The following USP10 variants were observed in gnomAD, a reference collection of about 807,000 sequenced individuals.
USP10 encodes ubiquitin carboxyl-terminal hydrolase 10.
A neutral mutation model predicts 84.5 loss-of-function variants in USP10; 22 were observed. The observed-to-expected ratio is 0.26, with a 90% CI of 0.19 to 0.37. The LOEUF (loss-of-function observed/expected upper bound fraction) is 0.37. USP10 is among the 10% of genes least tolerant of loss of function. USP10 has a pLI of 1.00. For missense variants in USP10, 1,019 were observed against 998.9 expected (o/e 1.02, Z -0.27); for synonymous variants, 454 against 387.6 (o/e 1.17, Z -2.01).
chr16:84,778,724 C>A (rs896718467), intron 13 of USP10, among the ~76,000 whole-genome samples, 171 bp from the exon 14 acceptor site: 1 of 152,184 alleles, frequency 6.6e-6, no homozygotes, highest in Non-Finnish European at 1.5e-5. Context: ...GGATTGCTTG[C>A]GTGTTTGAGT....
chr16:84,756,161 C>T (rs1462010432), intron 4 of USP10, among the ~76,000 whole-genome samples: 1 of 151,034 alleles, frequency 6.6e-6, no homozygotes. Flanking sequence ...AGGGACATCA[C>T]AGTTCGTCCC....
intron 1 of USP10, among the ~76,000 whole-genome samples, chr16:84,701,934 CTTCTTTTTTT>C (rs1205469822): frequency 4.3e-5 from 4 of 92,696 alleles, no homozygotes; most frequent in African/African-American, 1.3e-4. Flanking sequence ...TAATTTTCTT[CTTCTTTTTTT>C]TTTTTTTTTT....
intron 11 of USP10, among the ~76,000 whole-genome samples, chr16:84,770,443 A>G (rs1419117031): frequency 2.0e-5 from 3 of 152,164 alleles, no homozygotes; most frequent in Non-Finnish European, 1.5e-5. Flanking sequence ...TATTTGCTAT[A>G]TAGAAAATGT....
At chr16:84,736,934 G>A (rs892678474) in intron 2 of USP10, among the ~76,000 whole-genome samples, 5 of 152,140 alleles carry the variant, frequency 3.3e-5, no homozygotes, top group Admixed American at 1.3e-4. Context: ...GACTACAGGC[G>A]TCCGCCACCT....
rs1267169714 is a variant in USP10 at position 84,721,723 on chromosome 16, G to A, written c.22-11712G>A. Among the ~76,000 whole-genome samples the A allele has an allele frequency of 2.0e-5, 3 of 151,782 alleles. No homozygotes were observed. In the East Asian group the frequency reaches 5.8e-4, roughly 29 times the overall value. ...TTTGTTTTGTTTTGTTTTAGAGATT[G>A]AGTCTTGCTCTGTTGCCAGGCTGGA... is the stretch of plus-strand genomic sequence containing the variant. On this transcript the variant is annotated intron_variant, in intron 1 of 13. Coordinates refer to ENST00000219473, the MANE Select transcript of USP10 (RefSeq NM_005153.3).
At chr16:84,765,155 A>T (rs1192146745) in intron 10 of USP10, among the ~76,000 whole-genome samples, 1 of 152,008 alleles carries the variant, frequency 6.6e-6, no homozygotes, top group Non-Finnish European at 1.5e-5. Flanking sequence ...TATGTTAATA[A>T]ATTGTGTATA....
chr16:84,728,063 C>G (rs8063610), intron 1 of USP10, among the ~76,000 whole-genome samples: 39,956 of 152,086 alleles, frequency 0.26, 5,306 homozygotes, highest in African/African-American at 0.32. Context: ...ACAGCAGTTT[C>G]TCCTCCCCTC....
chr16:84,779,799 T>C lies in USP10; in HGVS notation c.*717T>C, dbSNP rs887439140. 5 of 152,666 alleles carry C rather than the reference T, an allele frequency of 3.3e-5. No individual in the cohort carries two copies. The highest frequency in any genetic ancestry group is 1.2e-4 in the African/African-American group (5 of 41,466). 9.5% of individuals were successfully genotyped at this position (152,666 alleles called of 1,614,324 possible). On this transcript the variant is annotated 3_prime_UTR_variant, in exon 14 of 14. Transcript: ENST00000219473. Reference sequence around the variant, plus strand: ...CAAATAATGAAGATCTCTCCTTCAGTCTGCTCTGTTTAATTCTGCTGTCTG... The same window carrying C: ...CAAATAATGAAGATCTCTCCTTCAGCCTGCTCTGTTTAATTCTGCTGTCTG...
intron 13 of USP10, among the ~76,000 whole-genome samples, chr16:84,775,837 C>T (rs11860875): frequency 0.03 from 4,524 of 152,264 alleles, 189 homozygotes; most frequent in African/African-American, 0.094. Flanking sequence ...ACATCATCTT[C>T]CCTTTCCTTT....
intron 1 of USP10, chr16:84,716,158 CATGAGCGTA>C (rs991836142): frequency 7.2e-5 from 11 of 152,398 alleles, no homozygotes; most frequent in African/African-American, 2.6e-4. Flanking sequence ...TACTGTCCCA[CATGAGCGTA>C]ATGTCTCTCC....
chr16:84,777,745 G>A (rs952761285), intron 13 of USP10, among the ~76,000 whole-genome samples: 2 of 152,082 alleles, frequency 1.3e-5, no homozygotes, highest in Admixed American at 1.3e-4. Flanking sequence ...GCCCCTCCAC[G>A]TGACAACTGC....
At chr16:84,772,984 G>A (rs1206045235) in intron 12 of USP10, among the ~76,000 whole-genome samples, 1 of 152,176 alleles carries the variant, frequency 6.6e-6, no homozygotes, top group East Asian at 1.9e-4. Context: ...GATGAATGGT[G>A]CAGTTTGCCT....
At chr16:84,763,927 A>G (rs1006001889) in intron 9 of USP10, among the ~76,000 whole-genome samples, 159 bp from the exon 10 acceptor site, 4 of 152,060 alleles carry the variant, frequency 2.6e-5, no homozygotes, top group Non-Finnish European at 5.9e-5. Flanking sequence ...TTGGCCGTGG[A>G]TCCAGTGACG....
At chr16:84,741,385 G>A (rs1382441197) in intron 3 of USP10, among the ~76,000 whole-genome samples, 2 of 152,248 alleles carry the variant, frequency 1.3e-5, no homozygotes, top group Non-Finnish European at 2.9e-5. Flanking sequence ...ATTGGCTGAT[G>A]TCAACCTCTC....
chr16:84,768,802 G>A (rs545929525), intron 11 of USP10, among the ~76,000 whole-genome samples: 10 of 152,238 alleles, frequency 6.6e-5, no homozygotes, highest in African/African-American at 2.4e-4. Context: ...ATATAATATA[G>A]TCATTGTAAA....
chr16:84,732,586 A>G (rs1230802704), intron 1 of USP10: 6 of 332,008 alleles, frequency 1.8e-5, no homozygotes, highest in Non-Finnish European at 2.9e-5. Flanking sequence ...AGCCGGGACT[A>G]CAGGTACACG....
rs574817757 is a variant in USP10, at chr16:84,747,418, T to A, written c.1192+1745T>A. Among the ~76,000 whole-genome samples the A allele has an allele frequency of 3.9e-5, 6 of 152,300 alleles. No individual in the cohort carries two copies. In the South Asian group the frequency reaches 8.3e-4, roughly 21 times the overall value. The stretch of plus-strand genomic sequence containing the variant: ...GTGATAGCAAGCAATGTATATATAT[T>A]TTTAAGAGTATTTTATTCCTTATAC... On this transcript the variant is annotated intron_variant, in intron 4 of 13. Transcript: ENST00000219473.
At chr16:84,766,451 G>A (rs190382325) in intron 10 of USP10, among the ~76,000 whole-genome samples, 77 of 152,298 alleles carry the variant, frequency 5.1e-4, no homozygotes, top group African/African-American at 1.8e-3. Flanking sequence ...CCAGGTTGGC[G>A]CGCAGCAGCG....
At chr16:84,748,530 C>G (rs1911521655) in intron 4 of USP10, among the ~76,000 whole-genome samples, 1 of 152,086 alleles carries the variant, frequency 6.6e-6, no homozygotes, top group Non-Finnish European at 1.5e-5. Context: ...TCTTGAGCTC[C>G]TGACCTCAAG....
Sources: gnomAD v4.1 joint callset for allele counts (sites outside exome capture counted in the v4.1 genomes callset) on GRCh38, gnomAD v4.1.1 for gene constraint, MANE v1.5 for transcripts, NCBI Gene and HGNC (gene_info 2026-07-23, HGNC 2026-07-21) for gene names.